PTPRD: variants seen among roughly 807,000 people sequenced by gnomAD.
PTPRD encodes receptor-type tyrosine-protein phosphatase delta.
PTPRD carries 34 observed loss-of-function variants against 214.5 expected under a neutral mutation model. The observed-to-expected ratio is 0.16, with a 90% CI of 0.12 to 0.21. The LOEUF (loss-of-function observed/expected upper bound fraction) is 0.21, where lower values mean the gene tolerates loss of function less well. PTPRD is among the 10% of genes least tolerant of loss of function. PTPRD has a pLI of 1.00. For missense variants in PTPRD, 2,545 were observed against 2,398.7 expected, an observed-to-expected ratio of 1.06 and a Z score of -1.27; for synonymous variants, 1,128 against 845.7, an observed-to-expected ratio of 1.33 and a Z score of -5.79.
intron 8 of PTPRD, among the ~76,000 whole-genome samples, chr9:9,549,671 G>A (rs1258057949): frequency 1.3e-5 from 2 of 152,064 alleles, no homozygotes; most frequent in Non-Finnish European, 2.9e-5. Context: ...TTTTTGACAA[G>A]GAGATAAAAG....
chr9:9,222,984 A>G lies in PTPRD; in HGVS notation c.-202-39621T>C, dbSNP rs575813347. On this transcript the variant is annotated intron_variant, in intron 9 of 45. Transcript: ENST00000381196. ...CTGCAACAAGTATACAGTCCATATT[A>G]CTAAACTATGACTTTTTCTTACTGT... is the stretch of plus-strand genomic sequence containing the variant. 7.9e-5 allele frequency among the ~76,000 whole-genome samples: 12 copies of G among 152,160 alleles called. No homozygotes were observed. The South Asian group carries it at 2.5e-3, about 32-fold the overall frequency.
chr9:8,980,556 A>G (rs969990509), intron 11 of PTPRD, among the ~76,000 whole-genome samples: 1 of 152,108 alleles, frequency 6.6e-6, no homozygotes, highest in South Asian at 2.1e-4. Flanking sequence ...AGGTTTCTAG[A>G]AATTTTATCA....
rs540163655 is a variant in PTPRD, at chr9:8,795,122, G to A, written c.-103-61176C>T. 1.3e-4 allele frequency among the ~76,000 whole-genome samples: 20 copies of A among 152,028 alleles called. 1 individual carries two copies. In the Middle Eastern group the frequency reaches 0.014, roughly 103 times the overall value. On this transcript the variant is annotated intron_variant, in intron 11 of 45. Coordinates refer to ENST00000381196, the MANE Select transcript of PTPRD (RefSeq NM_002839.4). The stretch of plus-strand genomic sequence containing the variant: ...AATTTCTTGGGCACTACCAAAATGG[G>A]AAAACATTAGTATCATCCACCCCTA...
At position 10,005,100 on chromosome 9, in the gene PTPRD, AT is replaced by A. The variant is rs917147604; in HGVS notation, c.-472+28617del. On this transcript the variant is annotated intron_variant, in intron 4 of 45. Transcript: ENST00000381196. Reference sequence around the variant, plus strand: ...AAACGTGGACACTATTTCCTATAAGATTTTTTTTTGTCTTTTATTTTTCAGC... The same window carrying A: ...AAACGTGGACACTATTTCCTATAAGATTTTTTTTGTCTTTTATTTTTCAGC... Among the ~76,000 whole-genome samples, 40 of 151,572 alleles carry A rather than the reference AT, an allele frequency of 2.6e-4. No individual in the cohort carries two copies. In the East Asian group the frequency reaches 4.1e-3, roughly 15 times the overall value.
intron 3 of PTPRD, among the ~76,000 whole-genome samples, chr9:10,047,809 T>C (rs534473534): frequency 1.3e-5 from 2 of 152,306 alleles, no homozygotes; most frequent in South Asian, 4.1e-4. Flanking sequence ...TTATTTCATC[T>C]ACCAAAGACA....
At chr9:8,590,995 C>A (rs2154264096) in intron 14 of PTPRD, among the ~76,000 whole-genome samples, 1 of 152,220 alleles carries the variant, frequency 6.6e-6, no homozygotes, top group African/African-American at 2.4e-5. Flanking sequence ...CTTGCATTTT[C>A]CAGTTTCTAG....
At chr9:10,437,193 G>C (rs970123766) in intron 2 of PTPRD, among the ~76,000 whole-genome samples, 3 of 151,726 alleles carry the variant, frequency 2.0e-5, no homozygotes, top group African/African-American at 7.3e-5. Context: ...ATTTGAAATG[G>C]TTTTGGAATC....
At chr9:9,783,814 G>C (rs890885277) in intron 5 of PTPRD, among the ~76,000 whole-genome samples, 1 of 112,378 alleles carries the variant, frequency 8.9e-6, no homozygotes, top group Non-Finnish European at 1.8e-5. Context: ...TTTCTCTCCT[G>C]CTTCGTTTTT....
intron 22 of PTPRD, 51 bp from the exon 23 acceptor site, chr9:8,504,456 C>T (rs757267889): frequency 5.0e-6 from 8 of 1,597,774 alleles, no homozygotes; most frequent in Non-Finnish European, 6.9e-6. Flanking sequence ...CATGCAAATA[C>T]TTTTTAATCA....
At chr9:9,444,862 A>T (rs569518610) in intron 8 of PTPRD, among the ~76,000 whole-genome samples, 1 of 151,066 alleles carries the variant, frequency 6.6e-6, no homozygotes, top group East Asian at 1.9e-4. Flanking sequence ...TCATTTAAAG[A>T]ATACATGCCT....
At chr9:9,062,925 T>C (rs924220450) in intron 10 of PTPRD, among the ~76,000 whole-genome samples, 5 of 152,102 alleles carry the variant, frequency 3.3e-5, no homozygotes, top group Non-Finnish European at 4.4e-5. Context: ...ATGTGATCAC[T>C]TGCCAGAAAG....
intron 11 of PTPRD, among the ~76,000 whole-genome samples, chr9:8,842,460 CAGTACATT>C (rs765994187): frequency 2.0e-5 from 3 of 152,142 alleles, no homozygotes; most frequent in African/African-American, 7.2e-5. Flanking sequence ...TGTATTAGAG[CAGTACATT>C]AGTACATTAG....
At chr9:10,223,991 G>A (rs1163276455) in intron 3 of PTPRD, among the ~76,000 whole-genome samples, 1 of 151,542 alleles carries the variant, frequency 6.6e-6, no homozygotes, top group Admixed American at 6.6e-5. Flanking sequence ...TATAGCATAT[G>A]ATTACGTTGA....
At chr9:8,427,944 G>T (rs1246868437) in intron 35 of PTPRD, among the ~76,000 whole-genome samples, 1 of 152,076 alleles carries the variant, frequency 6.6e-6, no homozygotes, top group African/African-American at 2.4e-5. Context: ...TAGTTACTAA[G>T]ACTACTGAGT....
At chr9:9,870,166 G>A (rs1204811054) in intron 5 of PTPRD, among the ~76,000 whole-genome samples, 1 of 151,932 alleles carries the variant, frequency 6.6e-6, no homozygotes, top group Non-Finnish European at 1.5e-5. Flanking sequence ...CATTGAAGAT[G>A]GGTGGATGGG....
rs116482297 is a variant in PTPRD at position 9,104,636 on chromosome 9, C to T, written c.-143+78668G>A. Among the ~76,000 whole-genome samples, 550 of 152,288 alleles carry T rather than the reference C, an allele frequency of 3.6e-3. 5 individuals carry two copies. Among genetic ancestry groups the T allele is most frequent in the African/African-American group, 0.013 (530 of 41,562 alleles). ...TTGGACAGTATCTAACCTCATGAAA[C>T]AGGAGCTTAAAGATAAGTTCTCATG... On this transcript the variant is annotated intron_variant, in intron 10 of 45. Coordinates refer to ENST00000381196, the MANE Select transcript of PTPRD (RefSeq NM_002839.4).
At chr9:8,695,344 C>A (rs894414375) in intron 12 of PTPRD, among the ~76,000 whole-genome samples, 1 of 152,304 alleles carries the variant, frequency 6.6e-6, no homozygotes, top group South Asian at 2.1e-4. Context: ...GAGACCACTT[C>A]ACTTTTTTCA....
intron 5 of PTPRD, among the ~76,000 whole-genome samples, chr9:9,814,619 G>A (rs1346432233): frequency 6.6e-6 from 1 of 151,916 alleles, no homozygotes; most frequent in Non-Finnish European, 1.5e-5. Context: ...GTCAAACAGT[G>A]GTGAAATAAA....
At chr9:8,631,156 T>A (rs780467666) in intron 14 of PTPRD, among the ~76,000 whole-genome samples, 1 of 151,874 alleles carries the variant, frequency 6.6e-6, no homozygotes, top group Non-Finnish European at 1.5e-5. Context: ...TTCAGAAATA[T>A]GTATACTTTC....
Sources: allele counts gnomAD v4.1 joint callset (sites outside exome capture counted in the v4.1 genomes callset), GRCh38; gene constraint gnomAD v4.1.1; transcripts MANE v1.5; gene names NCBI Gene and HGNC (gene_info 2026-07-23, HGNC 2026-07-21).